The following LRRC37A variants were observed in gnomAD, a reference collection of about 807,000 sequenced individuals.
LRRC37A encodes the protein leucine-rich repeat-containing protein 37A.
A neutral mutation model predicts 35.4 loss-of-function variants in LRRC37A; 3 were observed. The observed-to-expected ratio is 0.08, with a 90% CI of 0.04 to 0.22. LRRC37A has a LOEUF of 0.22. Among genes scored for constraint, LRRC37A ranks in the 10% least tolerant of loss-of-function variants. The probability of loss-of-function intolerance (pLI) is 1.00; values close to 1 mark genes in which losing one functional copy is unlikely to be tolerated. For missense variants in LRRC37A, 67 were observed against 565.3 expected (o/e 0.12, Z 8.94); for synonymous variants, 23 against 215.0 (o/e 0.11, Z 7.81).
the LRRC37A span, chr17:46,259,573 T>A: frequency 6.2e-7 from 1 of 1,612,232 alleles, no homozygotes; most frequent in South Asian, 1.1e-5. Flanking sequence ...GCTACCTGCC[T>A]CAGCCCCAGC....
chr17:46,265,611 T>C, the LRRC37A span, among the ~76,000 whole-genome samples: 1 of 17,432 alleles, frequency 5.7e-5, no homozygotes, highest in Non-Finnish European at 9.4e-3. Context: ...CCCATGTGGC[T>C]GGGACCAAGG....
the LRRC37A span, among the ~76,000 whole-genome samples, chr17:46,273,035 C>T: frequency 1.3e-5 from 2 of 152,142 alleles, no homozygotes; most frequent in African/African-American, 2.4e-5. Context: ...AAAAGAATTG[C>T]TGTTTAGAAT....
the LRRC37A span, chr17:46,267,419 G>T: frequency 6.2e-7 from 1 of 1,612,250 alleles, no homozygotes; most frequent in African/African-American, 1.3e-5. Context: ...AAGATGAACC[G>T]CCTGTACCTC....
chr17:46,265,102 C>T, the LRRC37A span, among the ~76,000 whole-genome samples: 1 of 151,774 alleles, frequency 6.6e-6, no homozygotes, highest in Non-Finnish European at 1.5e-5. Flanking sequence ...CCAAGCTTTG[C>T]AGTGGCTGTA....
upstream of LRRC37A, among the ~76,000 whole-genome samples, chr17:46,292,438 C>A (rs2907490): frequency 3.2e-4 from 26 of 80,192 alleles, 5 homozygotes; most frequent in South Asian, 1.1e-3. Context: ...TAATTTGTTT[C>A]ATTCTCAGGA....
rs1361349103 is a variant in LRRC37A, at chr17:46,307,794, C to T, written c.2906+1485C>T. Among the ~76,000 whole-genome samples the T allele has an allele frequency of 2.5e-5, 2 of 78,998 alleles. 1 individual carries two copies. The highest frequency in any genetic ancestry group is 6.3e-5 in the African/African-American group (2 of 31,714). The allele number at this position is 78,998 out of a possible 152,430, so 51.8% of individuals were successfully genotyped here. On this transcript the variant is annotated intron_variant, in intron 5 of 13. Coordinates refer to ENST00000320254, the Ensembl canonical transcript of LRRC37A. The stretch of plus-strand genomic sequence containing the variant: ...GCACTTTGCTGAGGTGGGTGGATCA[C>T]CTGAGGTCAGGAGTTCAAGACCAGC...
chr17:46,286,675 T>C, the LRRC37A span, among the ~76,000 whole-genome samples: 1 of 152,242 alleles, frequency 6.6e-6, no homozygotes. Flanking sequence ...AAAAGGAATT[T>C]GTAATGTAAG....
the LRRC37A span, among the ~76,000 whole-genome samples, chr17:46,253,333 T>A: frequency 6.6e-6 from 1 of 150,472 alleles, no homozygotes; most frequent in Non-Finnish European, 1.5e-5. Context: ...CGCTCCTCAC[T>A]TCCCAGACGG....
chr17:46,286,205 T>A, the LRRC37A span, among the ~76,000 whole-genome samples: 1 of 152,278 alleles, frequency 6.6e-6, no homozygotes, highest in African/African-American at 2.4e-5. Context: ...GTTTTAGTAT[T>A]GTGGTTTTAA....
the LRRC37A span, among the ~76,000 whole-genome samples, chr17:46,256,237 T>C: frequency 1.8e-4 from 27 of 151,884 alleles, no homozygotes; most frequent in Non-Finnish European, 3.7e-4. Context: ...ATACAAAAAT[T>C]AGCTGGGCGT....
At chr17:46,276,529 A>G in the LRRC37A span, among the ~76,000 whole-genome samples, 1 of 152,238 alleles carries the variant, frequency 6.6e-6, no homozygotes, top group Non-Finnish European at 1.5e-5. Flanking sequence ...GTAAGAAAAG[A>G]AAGAATATGG....
At chr17:46,267,062 C>T in the LRRC37A span, 1 of 289,266 alleles carries the variant, frequency 3.5e-6, no homozygotes, top group African/African-American at 2.3e-5. Context: ...CAGTCAGCCG[C>T]GCAGGGACGC....
chr17:46,271,906 T>G, the LRRC37A span, among the ~76,000 whole-genome samples: 1 of 152,172 alleles, frequency 6.6e-6, no homozygotes, highest in Admixed American at 6.5e-5. Flanking sequence ...GGACTACAGG[T>G]GTGTGCCACT....
At chr17:46,260,377 C>G in the LRRC37A span, 9 of 1,470,012 alleles carry the variant, frequency 6.1e-6, no homozygotes, top group Non-Finnish European at 8.0e-6. Flanking sequence ...TAGAGGCGGC[C>G]CACGCGCTGG....
chr17:46,262,787 G>GA, the LRRC37A span, among the ~76,000 whole-genome samples: 269 of 124,596 alleles, frequency 2.2e-3, 2 homozygotes, highest in Middle Eastern at 7.9e-3. Context: ...CTCGGTCTTG[G>GA]AAAAAAAAAA....
the LRRC37A span, among the ~76,000 whole-genome samples, chr17:46,269,591 A>G: frequency 2.0e-5 from 3 of 152,372 alleles, no homozygotes; most frequent in Non-Finnish European, 2.9e-5. Context: ...ATTTTAAAAA[A>G]GTGCCAAAGG....
chr17:46,251,540 G>T, the LRRC37A span, among the ~76,000 whole-genome samples: 7 of 151,642 alleles, frequency 4.6e-5, no homozygotes, highest in Non-Finnish European at 8.9e-5. Context: ...TTACAGGTGT[G>T]AGCCACCTCA....
chr17:46,248,357 C>T, the LRRC37A span, among the ~76,000 whole-genome samples: 2 of 152,100 alleles, frequency 1.3e-5, no homozygotes, highest in Admixed American at 6.5e-5. Flanking sequence ...GCATTTCTGT[C>T]GCCTCAAAAA....
At chr17:46,326,977 AAAG>A (rs1481340365) in intron 7 of LRRC37A, among the ~76,000 whole-genome samples, 2 of 77,768 alleles carry the variant, frequency 2.6e-5, no homozygotes, top group African/African-American at 7.4e-5. Flanking sequence ...CAGAAAGATG[AAAG>A]AATAGTACAG....
Sources: allele counts gnomAD v4.1 joint callset (sites outside exome capture counted in the v4.1 genomes callset), GRCh38; gene constraint gnomAD v4.1.1; transcripts MANE v1.5; gene names NCBI Gene and HGNC (gene_info 2026-07-23, HGNC 2026-07-21).